Variants in RAI14 observed in about 807,000 individuals in gnomAD.
The protein encoded by RAI14 is retinoic acid induced 14, also known as ankycorbin.
A neutral mutation model predicts 115.4 loss-of-function variants in RAI14; 45 were observed. The observed-to-expected ratio is 0.39, with a 90% CI of 0.31 to 0.50. The LOEUF is 0.50. RAI14 is among the 20% of genes least tolerant of loss of function. The probability of loss-of-function intolerance (pLI) is 0.85; values close to 1 mark genes in which losing one functional copy is unlikely to be tolerated. For missense variants in RAI14, 939 were observed against 1,131.2 expected (o/e 0.83, Z 2.44); for synonymous variants, 371 against 415.4 (o/e 0.89, Z 1.30).
At chr5:34,688,450 A>C (rs1042801008) in intron 2 of RAI14, 1 of 458,006 alleles carries the variant, frequency 2.2e-6, no homozygotes, top group Middle Eastern at 6.1e-4. Context: ...TAGGCACATA[A>C]ACTTTTGGTT....
intron 2 of RAI14, chr5:34,688,074 T>A: frequency 1.4e-6 from 2 of 1,452,490 alleles, no homozygotes; most frequent in South Asian, 1.5e-5. Flanking sequence ...TTAGGTAAAT[T>A]AAATAAAACT....
Position 34,824,042 on chromosome 5 carries a change from T to C in RAI14, c.2200T>C (p.Leu734=). 2 of 1,614,074 alleles carry C rather than the reference T, an allele frequency of 1.2e-6. No homozygotes were observed. The highest frequency in any genetic ancestry group is 8.5e-7 in the Non-Finnish European group (1 of 1,179,980). The change falls in exon 15 of 18, where the codon TTG becomes CTG. Residue 734 remains leucine, a synonymous_variant. Coordinates refer to ENST00000265109, the MANE Select transcript of RAI14 (RefSeq NM_015577.3). ...KENSVSITEH[L]QVITTLRTAA... is the part of the protein sequence containing the mutation. ...GAACTCTGTCTCTATCACAGAACATTTGCAAGTGATAACCACGCTGCGGAC... is the reference window on the plus strand; with the variant it reads ...GAACTCTGTCTCTATCACAGAACATCTGCAAGTGATAACCACGCTGCGGAC...
At chr5:34,670,995 G>A (rs1157731402) in intron 1 of RAI14, among the ~76,000 whole-genome samples, 1 of 152,198 alleles carries the variant, frequency 6.6e-6, no homozygotes, top group Non-Finnish European at 1.5e-5. Flanking sequence ...ATATAACAGG[G>A]TAATAATTTT....
intron 2 of RAI14, among the ~76,000 whole-genome samples, chr5:34,747,182 C>T (rs1303541601): frequency 6.6e-6 from 1 of 152,168 alleles, no homozygotes; most frequent in Non-Finnish European, 1.5e-5. Flanking sequence ...CTGGAGAGAA[C>T]CAACTATATT....
At chr5:34,800,501 G>A (rs957457226) in intron 4 of RAI14, among the ~76,000 whole-genome samples, 6 of 152,102 alleles carry the variant, frequency 3.9e-5, no homozygotes, top group Non-Finnish European at 8.8e-5. Context: ...ATAGTATTTC[G>A]TCCAGAAAAT....
chr5:34,799,855 T>C (rs1754053848), intron 4 of RAI14, among the ~76,000 whole-genome samples: 1 of 151,814 alleles, frequency 6.6e-6, no homozygotes, highest in Non-Finnish European at 1.5e-5. Context: ...GCCTGGCTAA[T>C]TTTTTGTATT....
At chr5:34,795,647 A>G (rs1753423381) in intron 3 of RAI14, among the ~76,000 whole-genome samples, 2 of 152,168 alleles carry the variant, frequency 1.3e-5, no homozygotes, top group Non-Finnish European at 2.9e-5. Context: ...TCAAGAGACA[A>G]ATATATGGCT....
chr5:34,770,305 A>C (rs1292340956), intron 3 of RAI14, among the ~76,000 whole-genome samples: 1 of 152,228 alleles, frequency 6.6e-6, no homozygotes, highest in Non-Finnish European at 1.5e-5. Flanking sequence ...CAACCTGAGA[A>C]AAATATCTGT....
At chr5:34,673,185 G>A (rs1456702242) in intron 1 of RAI14, among the ~76,000 whole-genome samples, 1 of 152,170 alleles carries the variant, frequency 6.6e-6, no homozygotes, top group Non-Finnish European at 1.5e-5. Flanking sequence ...CCAAAGAGCA[G>A]TACTTACTTT....
chr5:34,688,295 A>G, intron 2 of RAI14: 1 of 1,479,344 alleles, frequency 6.8e-7, no homozygotes, highest in South Asian at 1.2e-5. Flanking sequence ...AGGGGTTTCT[A>G]AATTTTGTGA....
chr5:34,782,108 G>A (rs1751720065), intron 3 of RAI14, among the ~76,000 whole-genome samples: 1 of 152,180 alleles, frequency 6.6e-6, no homozygotes, highest in Non-Finnish European at 1.5e-5. Flanking sequence ...TTCCACCCTG[G>A]GTGGGCCAGG....
At chr5:34,764,138 A>G (rs1749041074) in intron 3 of RAI14, among the ~76,000 whole-genome samples, 1 of 152,216 alleles carries the variant, frequency 6.6e-6, no homozygotes, top group African/African-American at 2.4e-5. Flanking sequence ...GGCGTGAGCC[A>G]CTGCACCCGG....
chr5:34,665,192 T>TATATATATATATATAC (rs1554037655), intron 1 of RAI14, among the ~76,000 whole-genome samples: 1 of 99,866 alleles, frequency 1.0e-5, no homozygotes, highest in African/African-American at 3.9e-5. Context: ...TATATATGTA[T>TATATATATATATATAC]ATATATACAC....
intron 2 of RAI14, among the ~76,000 whole-genome samples, chr5:34,714,180 A>C (rs1210189753): frequency 6.6e-6 from 1 of 152,192 alleles, no homozygotes; most frequent in Non-Finnish European, 1.5e-5. Flanking sequence ...CTTCACATAA[A>C]TTTCTAAGTG....
At chr5:34,682,174 C>T (rs527722642) in intron 1 of RAI14, among the ~76,000 whole-genome samples, 16 of 151,962 alleles carry the variant, frequency 1.1e-4, no homozygotes, top group African/African-American at 3.9e-4. Flanking sequence ...TTTTCTTAAT[C>T]CTAAAGAGTG....
intron 17 of RAI14, 126 bp from the exon 18 acceptor site, chr5:34,830,562 C>T (rs1290584538): frequency 6.7e-7 from 1 of 1,482,358 alleles, no homozygotes; most frequent in Non-Finnish European, 9.0e-7. Flanking sequence ...ATAGGGCTGA[C>T]ATTCCTGTGA....
intron 13 of RAI14, among the ~76,000 whole-genome samples, chr5:34,821,014 G>A (rs1284969704): frequency 6.6e-6 from 1 of 152,226 alleles, no homozygotes; most frequent in Non-Finnish European, 1.5e-5. Context: ...GCCGTGTGTT[G>A]AGAATGTAGA....
intron 17 of RAI14, 79 bp downstream of exon 17, chr5:34,829,876 A>G: frequency 1.7e-6 from 2 of 1,174,774 alleles, no homozygotes; most frequent in Admixed American, 4.4e-5. Flanking sequence ...CCATCATTTA[A>G]CTAGGAGAAT....
At chr5:34,676,089 A>C (rs1386978558) in intron 1 of RAI14, among the ~76,000 whole-genome samples, 2 of 152,260 alleles carry the variant, frequency 1.3e-5, no homozygotes, top group African/African-American at 4.8e-5. Flanking sequence ...AGAAATTGTC[A>C]CACTGCATTT....
Sources: allele counts gnomAD v4.1 joint callset (sites outside exome capture counted in the v4.1 genomes callset), GRCh38; gene constraint gnomAD v4.1.1; transcripts MANE v1.5; gene names NCBI Gene and HGNC (gene_info 2026-07-23, HGNC 2026-07-21).